Variants in ALDH1A3 observed in about 807,000 individuals in gnomAD.
ALDH1A3 encodes the protein retinaldehyde dehydrogenase 3.
A neutral mutation model predicts 57.5 loss-of-function variants in ALDH1A3; 28 were observed. That is an observed-to-expected ratio of 0.49 (90% CI 0.36 to 0.67). ALDH1A3 has a LOEUF of 0.67. ALDH1A3 is among the 30% of genes least tolerant of loss of function. The pLI is 0.00. For missense variants in ALDH1A3, 507 were observed against 669.4 expected (o/e 0.76, Z 2.68); for synonymous variants, 281 against 264.8 (o/e 1.06, Z -0.59).
At chr15:100,886,415 C>T (rs900053104) in intron 2 of ALDH1A3, among the ~76,000 whole-genome samples, 3 of 152,200 alleles carry the variant, frequency 2.0e-5, no homozygotes, top group African/African-American at 7.2e-5. Flanking sequence ...CTCCCTTGGT[C>T]TGAGTGACTG....
intron 12 of ALDH1A3, 110 bp downstream of exon 12, chr15:100,908,592 G>A (rs545948578): frequency 1.2e-5 from 12 of 985,498 alleles, no homozygotes; most frequent in Admixed American, 3.8e-5. Flanking sequence ...CCCCCACACC[G>A]CCGCTCTGTC....
chr15:100,908,852 G>A (rs1283391613), intron 12 of ALDH1A3, among the ~76,000 whole-genome samples: 1 of 152,186 alleles, frequency 6.6e-6, no homozygotes, highest in Non-Finnish European at 1.5e-5. Context: ...CCCACTCACA[G>A]CAGTGAAGAC....
chr15:100,905,751 G>T (rs2041816287), intron 10 of ALDH1A3, 64 bp downstream of exon 10: 2 of 1,432,592 alleles, frequency 1.4e-6, no homozygotes, highest in Admixed American at 2.4e-5. Context: ...CCTTCCCTAG[G>T]GCCCAGGGAT....
chr15:100,895,865 G>A lies in ALDH1A3; in HGVS notation c.667-68G>A, dbSNP rs1054724708. 3.1e-5 allele frequency: 43 copies of A among 1,375,760 alleles called. No homozygotes were observed. The Middle Eastern group carries it at 1.3e-3, about 40-fold the overall frequency. 85.2% of individuals were successfully genotyped at this position (1,375,760 alleles called of 1,614,324 possible). The stretch of plus-strand genomic sequence containing the variant: ...GATGTGAGGCAGCCACGGCTCTCTC[G>A]GCCCAAATGTGGATCCGTGGTGGAT... On this transcript the variant is annotated intron_variant, in intron 6 of 12. Coordinates refer to ENST00000329841, the MANE Select transcript of ALDH1A3 (RefSeq NM_000693.4).
chr15:100,900,830 GC>G, intron 9 of ALDH1A3, 71 bp downstream of exon 9: 1 of 1,525,570 alleles, frequency 6.6e-7, no homozygotes. Flanking sequence ...CATGGCAACC[GC>G]CTACAGGGTC....
rs61624077 is a variant in ALDH1A3, at chr15:100,900,658, G to C, written c.967G>C (p.Glu323Gln). The change falls in exon 9 of 13, where the codon GAG becomes CAG. Residue 323 changes from glutamate (E) to glutamine (Q), a missense_variant. This residue lies in a region of ALDH1A3 where 432 missense variants were observed against 608.4 expected (regional missense o/e 0.71). Coordinates refer to ENST00000329841, the MANE Select transcript of ALDH1A3 (RefSeq NM_000693.4). The stretch of plus-strand genomic sequence containing the variant: ...CACGGCAGCCTCCAGGGTGTTCGTG[G>C]AGGAGCAGGTCTACTCTGAGTTTGT... ...CCTAASRVFVEEQVYSEFVRR... is the reference protein window; with the variant it reads ...CCTAASRVFVQEQVYSEFVRR... 16 of 1,614,000 alleles carry C rather than the reference G, an allele frequency of 9.9e-6. No individual in the cohort carries two copies. The African/African-American group carries it at 1.7e-4, about 17-fold the overall frequency.
chr15:100,882,726 A>G (rs780889481), intron 1 of ALDH1A3, among the ~76,000 whole-genome samples: 1 of 152,244 alleles, frequency 6.6e-6, no homozygotes, highest in Admixed American at 6.5e-5. Flanking sequence ...GGTTTGTTGT[A>G]TGCTAATCCA....
Position 100,879,896 on chromosome 15 carries a change from C to A in ALDH1A3, c.-12C>A. The A allele has an allele frequency of 4.3e-6, 6 of 1,407,962 alleles. No individual in the cohort carries two copies. The highest frequency in any genetic ancestry group is 2.9e-5 in the South Asian group (2 of 67,978). The allele number at this position is 1,407,962 out of a possible 1,614,324, so 87.2% of individuals were successfully genotyped here. The stretch of plus-strand genomic sequence containing the variant: ...GACTAGGGCGCCTCGGGCCAGGGAG[C>A]GCGGAGGAGCCATGGCCACCGCTAA... On this transcript the variant is annotated 5_prime_UTR_variant, in exon 1 of 13. Transcript: ENST00000329841.
In ALDH1A3 at chr15:100,893,936, C is replaced by A. The variant is rs1374327553; in HGVS notation, c.538-18C>A. The A allele has an allele frequency of 5.0e-6, 8 of 1,613,278 alleles. No homozygotes were observed. Among genetic ancestry groups the A allele is most frequent in the Non-Finnish European group, 6.8e-6 (8 of 1,179,612 alleles). On this transcript the variant is annotated intron_variant, in intron 5 of 12. Coordinates refer to ENST00000329841, the MANE Select transcript of ALDH1A3 (RefSeq NM_000693.4). The surrounding 1 kb of genome is among the most constrained non-coding windows in gnomAD (Gnocchi z 4.8). ...GAGGGTGGATCTGGGCCTCCAAAGC[C>A]CCTGTGCTCTGTCGCAGTGGAACTT...
At chr15:100,904,151 A>G (rs140420847) in intron 9 of ALDH1A3, among the ~76,000 whole-genome samples, 21 of 149,112 alleles carry the variant, frequency 1.4e-4, no homozygotes, top group African/African-American at 4.6e-4. Context: ...CCTGGTATAA[A>G]GTGTGAGGTA....
chr15:100,893,827 A>T lies in ALDH1A3; in HGVS notation c.538-127A>T. 4.5e-6 allele frequency: 6 copies of T among 1,319,278 alleles called. No homozygotes were observed. In the South Asian group the frequency reaches 8.5e-5, roughly 19 times the overall value. The allele number at this position is 1,319,278 out of a possible 1,614,324, so 81.7% of individuals were successfully genotyped here. ...GCAGTTCTGATCATTGCACACTCCTATGTTACCCCACATACCCCAAATCCA... is the reference window on the plus strand; with the variant it reads ...GCAGTTCTGATCATTGCACACTCCTTTGTTACCCCACATACCCCAAATCCA... On this transcript the variant is annotated intron_variant, in intron 5 of 12. Transcript: ENST00000329841. The surrounding 1 kb of genome is among the most constrained non-coding windows in gnomAD (Gnocchi z 4.8).
At chr15:100,892,259 G>A (rs1475440815) in intron 3 of ALDH1A3, 2 of 472,478 alleles carry the variant, frequency 4.2e-6, no homozygotes, top group South Asian at 2.6e-5. Context: ...CAAAGAGGGT[G>A]CATGTCTATG....
chr15:100,884,325 T>C (rs1380656438), intron 1 of ALDH1A3, among the ~76,000 whole-genome samples: 1 of 152,246 alleles, frequency 6.6e-6, no homozygotes, highest in Non-Finnish European at 1.5e-5. Context: ...AAATAGTACA[T>C]ATGTTTCAGT....
At position 100,887,017 on chromosome 15, in the gene ALDH1A3, C is replaced by T. The variant is rs762628847; in HGVS notation, c.205-555C>T. The stretch of plus-strand genomic sequence containing the variant: ...TGAGGCAGCCAGTGGAAAGTCCTTC[C>T]GTACTTGGGTCCCTGAGAAAAATAC... On this transcript the variant is annotated intron_variant, in intron 2 of 12. Transcript: ENST00000329841. The surrounding 1 kb of genome is among the most constrained non-coding windows in gnomAD (Gnocchi z 4.6). 6.6e-6 allele frequency among the ~76,000 whole-genome samples: 1 copy of T among 152,146 alleles called. No individual in the cohort carries two copies. Among genetic ancestry groups the T allele is most frequent in the Non-Finnish European group, 1.5e-5 (1 of 68,028 alleles).
rs114889128 is a variant in ALDH1A3 at position 100,885,522 on chromosome 15, G to A, written c.204+151G>A. 2,573 of 611,552 alleles carry A rather than the reference G, an allele frequency of 4.2e-3. 44 individuals carry two copies. The highest frequency in any genetic ancestry group is 0.039 in the African/African-American group (2,102 of 54,508). 37.9% of individuals were successfully genotyped at this position (611,552 alleles called of 1,614,324 possible). On this transcript the variant is annotated intron_variant, in intron 2 of 12. Transcript: ENST00000329841. ...GTGAATTGGCATGTGGTTCTCAGAC[G>A]TGTGGCACAGAATGGCATCAATTAC...
At position 100,898,199 on chromosome 15, in the gene ALDH1A3, C is replaced by G. The variant is rs774884981; in HGVS notation, c.883+14C>G. On this transcript the variant is annotated intron_variant, in intron 8 of 12. Transcript: ENST00000329841. ...CGGACGCTGACTGTGAGTCTCTGCC[C>G]TCCTGGGCTTTGCTGGGGCTTCAGG... is the stretch of plus-strand genomic sequence containing the variant. 45 of 1,611,044 alleles carry G rather than the reference C, an allele frequency of 2.8e-5. No individual in the cohort carries two copies. Among genetic ancestry groups the G allele is most frequent in the Non-Finnish European group, 3.8e-5 (45 of 1,177,766 alleles).
intron 6 of ALDH1A3, chr15:100,895,142 A>G (rs566139942): frequency 1.3e-5 from 2 of 152,306 alleles, no homozygotes; most frequent in Non-Finnish European, 2.9e-5. Flanking sequence ...CCCTGTCACC[A>G]TTTGGAATAA....
intron 12 of ALDH1A3, among the ~76,000 whole-genome samples, chr15:100,910,501 A>G (rs6598396): frequency 0.62 from 93,608 of 152,094 alleles, 29,222 homozygotes; most frequent in East Asian, 0.72. Flanking sequence ...TGAGCTCTCT[A>G]TGCCTGTTCC....
In ALDH1A3 at chr15:100,916,548, G is replaced by C. The variant is rs2041931309; in HGVS notation, c.*1775G>C. The C allele has an allele frequency of 6.6e-6, 1 of 152,252 alleles. No homozygotes were observed. The highest frequency in any genetic ancestry group is 1.5e-5 in the Non-Finnish European group (1 of 68,034). The allele number at this position is 152,252 out of a possible 1,614,324, so 9.4% of individuals were successfully genotyped here. On this transcript the variant is annotated 3_prime_UTR_variant, in exon 13 of 13. Coordinates refer to ENST00000329841, the MANE Select transcript of ALDH1A3 (RefSeq NM_000693.4). Reference sequence around the variant, plus strand: ...CTGTGGTGTGGTTTAAAAATCTATAGGCCTGGGAATTCCGATCCTAGCTGC... The same window carrying C: ...CTGTGGTGTGGTTTAAAAATCTATACGCCTGGGAATTCCGATCCTAGCTGC...
Sources: allele counts gnomAD v4.1 joint callset (sites outside exome capture counted in the v4.1 genomes callset), GRCh38; gene constraint gnomAD v4.1.1; regional missense constraint gnomAD v4.1.1; non-coding constraint Gnocchi (gnomAD v3.1); transcripts MANE v1.5; gene names NCBI Gene and HGNC (gene_info 2026-07-23, HGNC 2026-07-21).